Variants in OXSR1 observed in about 807,000 individuals in gnomAD.
OXSR1 encodes oxidative stress responsive kinase 1.
OXSR1 carries 24 observed loss-of-function variants against 79.8 expected under a neutral mutation model. The observed-to-expected ratio is 0.30, with a 90% CI of 0.22 to 0.42. OXSR1 has a LOEUF of 0.42. Ranked by LOEUF, OXSR1 falls within the 10% of genes least tolerant of loss-of-function variation. The pLI is 1.00. For missense variants in OXSR1, 430 were observed against 618.4 expected, an observed-to-expected ratio of 0.70 and a Z score of 3.23; for synonymous variants, 226 against 209.2, an observed-to-expected ratio of 1.08 and a Z score of -0.69.
chr3:38,192,681 C>T (rs554839472), intron 3 of OXSR1, among the ~76,000 whole-genome samples: 2 of 152,226 alleles, frequency 1.3e-5, no homozygotes, highest in South Asian at 4.1e-4. Flanking sequence ...ACTGTGAAAC[C>T]TTGGCATGTA....
chr3:38,218,204 G>A (rs1192697965), intron 5 of OXSR1, among the ~76,000 whole-genome samples: 1 of 151,886 alleles, frequency 6.6e-6, no homozygotes, highest in Non-Finnish European at 1.5e-5. Context: ...ATTTTTCATA[G>A]CAGCTGTACC....
At chr3:38,227,594 C>T (rs979488772) in intron 8 of OXSR1, among the ~76,000 whole-genome samples, 2 of 148,370 alleles carry the variant, frequency 1.3e-5, no homozygotes, top group African/African-American at 2.5e-5. Flanking sequence ...CACAAATGTA[C>T]GTATACATAT....
At chr3:38,166,535 G>A (rs1399503588) in intron 1 of OXSR1, among the ~76,000 whole-genome samples, 1 of 152,174 alleles carries the variant, frequency 6.6e-6, no homozygotes, top group Admixed American at 6.5e-5. Flanking sequence ...GCTCACGCCT[G>A]TAATCCCACC....
intron 1 of OXSR1, among the ~76,000 whole-genome samples, 197 bp downstream of exon 1, chr3:38,166,143 G>T (rs35754352): frequency 6.6e-6 from 1 of 152,032 alleles, no homozygotes; most frequent in African/African-American, 2.4e-5. Context: ...GCGCGCCTGT[G>T]AGGTGGCGTG....
At chr3:38,218,578 C>A (rs1426023947) in intron 5 of OXSR1, among the ~76,000 whole-genome samples, 9 of 151,498 alleles carry the variant, frequency 5.9e-5, no homozygotes, top group Admixed American at 4.0e-4. Context: ...GGATGCCAAT[C>A]CCTTATCAGA....
chr3:38,217,868 A>G (rs1447717604), intron 5 of OXSR1, among the ~76,000 whole-genome samples: 1 of 152,124 alleles, frequency 6.6e-6, no homozygotes, highest in Non-Finnish European at 1.5e-5. Context: ...AACTCATACA[A>G]TATTTGTCCT....
intron 5 of OXSR1, among the ~76,000 whole-genome samples, chr3:38,218,591 T>C (rs1418318857): frequency 3.3e-5 from 5 of 152,206 alleles, no homozygotes; most frequent in African/African-American, 9.6e-5. Flanking sequence ...TTATCAGATG[T>C]ATGATTTGCA....
In OXSR1 at chr3:38,246,185, T is replaced by C. The variant is rs1290530234; in HGVS notation, c.1221T>C (p.Ser407=). 5.6e-6 allele frequency: 9 copies of C among 1,613,554 alleles called. No homozygotes were observed. The highest frequency in any genetic ancestry group is 3.3e-5 in the South Asian group (3 of 91,068). ...TTGCTACACAGCCAACTCAAGTCTC[T>C]CTCCCACCCACCGCAGAGCCAGCAA... The part of the protein sequence containing the change: ...GQIATQPTQV[S]LPPTAEPAKT... The change falls in exon 13 of 18, where the codon TCT becomes TCC. Residue 407 remains serine, a synonymous_variant. Transcript: ENST00000311806.
chr3:38,221,486 A>T, intron 5 of OXSR1, 92 bp from the exon 6 acceptor site: 1 of 675,668 alleles, frequency 1.5e-6, no homozygotes, highest in Middle Eastern at 2.6e-4. Flanking sequence ...CTTTTTATTT[A>T]TATATAGGAT....
At chr3:38,181,304 GT>G (rs1471204038) in intron 1 of OXSR1, among the ~76,000 whole-genome samples, 1 of 149,304 alleles carries the variant, frequency 6.7e-6, no homozygotes, top group Non-Finnish European at 1.5e-5. Flanking sequence ...ACTTTAAAAA[GT>G]AAGTTCTACT....
chr3:38,196,211 C>T (rs896220880), intron 3 of OXSR1, among the ~76,000 whole-genome samples: 2 of 152,192 alleles, frequency 1.3e-5, no homozygotes. Context: ...ATTATTCCTA[C>T]TTTAGGTATT....
chr3:38,223,322 C>T (rs546506455), intron 6 of OXSR1, among the ~76,000 whole-genome samples: 1 of 152,224 alleles, frequency 6.6e-6, no homozygotes, highest in South Asian at 2.1e-4. Context: ...GATGGGGTCT[C>T]ACCATGTTGC....
chr3:38,170,579 A>G (rs561940878), intron 1 of OXSR1, among the ~76,000 whole-genome samples: 1 of 152,180 alleles, frequency 6.6e-6, no homozygotes, highest in African/African-American at 2.4e-5. Context: ...AGTAAGGTGA[A>G]CCACCTTGTT....
chr3:38,190,258 TCC>T (rs1701957844), intron 2 of OXSR1, among the ~76,000 whole-genome samples: 2 of 152,194 alleles, frequency 1.3e-5, no homozygotes, highest in Non-Finnish European at 2.9e-5. Flanking sequence ...TTTGACGTTG[TCC>T]TGTTTCAGTT....
intron 4 of OXSR1, 43 bp downstream of exon 4, chr3:38,198,906 G>A: frequency 6.5e-7 from 1 of 1,547,620 alleles, no homozygotes; most frequent in Non-Finnish European, 8.9e-7. Context: ...ATCTCATTAA[G>A]GCCATTCCCA....
chr3:38,244,670 T>TGCAC (rs1703103941), intron 12 of OXSR1, among the ~76,000 whole-genome samples: 5 of 149,626 alleles, frequency 3.3e-5, no homozygotes, highest in African/African-American at 1.2e-4. Context: ...TGTGTGTGCG[T>TGCAC]GCGCATGTAC....
At chr3:38,223,736 C>G in intron 6 of OXSR1, 76 bp from the exon 7 acceptor site, 1 of 1,008,382 alleles carries the variant, frequency 9.9e-7, no homozygotes. Flanking sequence ...AGGTGTGAGC[C>G]TCCACCCTGG....
intron 11 of OXSR1, among the ~76,000 whole-genome samples, 159 bp downstream of exon 11, chr3:38,237,120 A>G (rs1702935017): frequency 6.6e-6 from 1 of 152,172 alleles, no homozygotes; most frequent in Admixed American, 6.6e-5. Flanking sequence ...TTGGACTTAG[A>G]TATCTGTTTG....
chr3:38,203,586 T>C (rs1325925714), intron 4 of OXSR1, among the ~76,000 whole-genome samples: 1 of 152,212 alleles, frequency 6.6e-6, no homozygotes, highest in Non-Finnish European at 1.5e-5. Flanking sequence ...TATAGACTCA[T>C]AGTGGTACCA....
Sources: allele counts gnomAD v4.1 joint callset (sites outside exome capture counted in the v4.1 genomes callset), GRCh38; gene constraint gnomAD v4.1.1; transcripts MANE v1.5; gene names NCBI Gene and HGNC (gene_info 2026-07-23, HGNC 2026-07-21).